Variants in TTI1 observed in about 807,000 individuals in gnomAD.
TTI1 encodes TELO2-interacting protein 1 homolog.
Under a neutral mutation model 85.4 loss-of-function variants are expected in TTI1, and 52 were observed. The observed-to-expected ratio is 0.61, with a 90% CI of 0.49 to 0.77. The LOEUF is 0.77. TTI1 is among the 30% of genes least tolerant of loss of function. The probability of loss-of-function intolerance (pLI) is 0.00; values close to 1 mark genes in which losing one functional copy is unlikely to be tolerated. For synonymous variants in TTI1, 512 were observed against 503.9 expected, an observed-to-expected ratio of 1.02 and a Z score of -0.22; for missense variants, 1,173 against 1,296.0, an observed-to-expected ratio of 0.91 and a Z score of 1.46.
At chr20:38,020,319 AAAAAATAT>A (rs201884057) in intron 1 of TTI1, among the ~76,000 whole-genome samples, 816 of 44,124 alleles carry the variant, frequency 0.018, 19 homozygotes, top group African/African-American at 0.092. Context: ...TGAAAAAAAA[AAAAAATAT>A]ATATATATAT....
chr20:38,020,323 A>AAAAAAAAAAAATATATATATATATATAT, intron 1 of TTI1, among the ~76,000 whole-genome samples: 2 of 50,382 alleles, frequency 4.0e-5, no homozygotes, highest in African/African-American at 1.8e-4. Context: ...AAAAAAAAAA[A>AAAAAAAAAAAATATATATATATATATAT]ATATATATAT....
At position 37,995,953 on chromosome 20, in the gene TTI1, A is replaced by G. The variant is rs191052737; in HGVS notation, c.3086+422T>C. On this transcript the variant is annotated intron_variant, in intron 7 of 7. Coordinates refer to ENST00000373447, the MANE Select transcript of TTI1 (RefSeq NM_001303457.2). ...TTTTGCTTTGCACTTGTGAGGGTTC[A>G]TGGCACCGATGCCCATCTAAGACCT... 2.0e-5 allele frequency among the ~76,000 whole-genome samples: 3 copies of G among 152,324 alleles called. No homozygotes were observed. The East Asian group carries it at 5.8e-4, about 29-fold the overall frequency.
At chr20:37,986,389 C>T (rs1459461632) in intron 7 of TTI1, among the ~76,000 whole-genome samples, 3 of 152,146 alleles carry the variant, frequency 2.0e-5, no homozygotes, top group African/African-American at 7.2e-5. Flanking sequence ...AGAAAATAAG[C>T]CACTCTTTTT....
intron 1 of TTI1, among the ~76,000 whole-genome samples, chr20:38,015,198 T>A (rs2073664052): frequency 6.6e-6 from 1 of 152,114 alleles, no homozygotes; most frequent in South Asian, 2.1e-4. Context: ...AGAGAGCTGG[T>A]GCCAAATTTC....
intron 1 of TTI1, among the ~76,000 whole-genome samples, chr20:38,017,540 C>T (rs2073702870): frequency 6.6e-6 from 1 of 151,978 alleles, no homozygotes; most frequent in South Asian, 2.1e-4. Flanking sequence ...AGAGAAACCA[C>T]AATGCTTTCG....
In TTI1 at chr20:37,983,333, G is replaced by C. The variant is rs1352381183; in HGVS notation, c.*123C>G. The stretch of plus-strand genomic sequence containing the variant: ...TGTGTGATCGATCAATTTATAAATC[G>C]ATTGGCTAACTAATTCACCTTCTCT... On this transcript the variant is annotated 3_prime_UTR_variant, in exon 8 of 8. Transcript: ENST00000373447. 1 of 919,222 alleles carries C rather than the reference G, an allele frequency of 1.1e-6. No homozygotes were observed. Among genetic ancestry groups the C allele is most frequent in the South Asian group, 1.7e-5 (1 of 58,174 alleles). 56.9% of individuals were successfully genotyped at this position (919,222 alleles called of 1,614,324 possible). A position where few individuals can be genotyped will look rare whatever the true frequency, so the allele number is the denominator to read the frequency against.
At chr20:37,993,325 C>T (rs1268404766) in intron 7 of TTI1, among the ~76,000 whole-genome samples, 2 of 151,870 alleles carry the variant, frequency 1.3e-5, no homozygotes, top group Admixed American at 6.6e-5. Flanking sequence ...TCGGTTACAT[C>T]AACCACCCCC....
chr20:38,028,554 ATGG>A lies in TTI1; in HGVS notation c.-42+4847_-42+4849del, dbSNP rs371862454. 9.2e-5 allele frequency among the ~76,000 whole-genome samples: 14 copies of A among 152,346 alleles called. No homozygotes were observed. In the East Asian group the frequency reaches 1.9e-3, roughly 21 times the overall value. ...AAAAGGAGAAACAAATTCACAATAG[ATGG>A]TGGTGACTTCAATATTCCTCTCTCA... On this transcript the variant is annotated intron_variant, in intron 1 of 7. Transcript: ENST00000373447.
intron 1 of TTI1, among the ~76,000 whole-genome samples, chr20:38,030,319 C>T (rs2122660318): frequency 6.6e-6 from 1 of 151,794 alleles, no homozygotes; most frequent in Admixed American, 6.6e-5. Context: ...AGAATTCCGC[C>T]AAACATTTAA....
Position 38,012,292 on chromosome 20 carries a change from T to TA in TTI1, c.1524dup (p.Met509TyrfsTer19). On this transcript the variant is annotated frameshift_variant, in exon 2 of 8. Coordinates refer to ENST00000373447, the MANE Select transcript of TTI1 (RefSeq NM_001303457.2). LOFTEE classifies it high-confidence loss of function. ...ACCACAGATTGATGGTAAAGTTCCA[T>TA]AAAGTGATCCACAAGCAAATAAAGA... 6.2e-7 allele frequency: 1 copy of TA among 1,614,136 alleles called. No individual in the cohort carries two copies. Among genetic ancestry groups the TA allele is most frequent in the Non-Finnish European group, 8.5e-7 (1 of 1,180,022 alleles).
At chr20:37,994,813 G>C (rs1015744987) in intron 7 of TTI1, among the ~76,000 whole-genome samples, 4 of 152,140 alleles carry the variant, frequency 2.6e-5, no homozygotes, top group African/African-American at 9.7e-5. Context: ...CTGAACACCA[G>C]CTCAAGATTC....
chr20:38,011,712 A>C lies in TTI1; in HGVS notation c.2105T>G (p.Ile702Ser), dbSNP rs138572304. 6 of 1,614,090 alleles carry C rather than the reference A, an allele frequency of 3.7e-6. No individual in the cohort carries two copies. In the African/African-American group the frequency reaches 8.0e-5, roughly 22 times the overall value. Residue 702 changes from isoleucine to serine, a missense_variant, in exon 2 of 8, where the codon ATC (isoleucine) becomes AGC (serine). Transcript: ENST00000373447. ...NQNSDYLVNG[I>S]SLNLRHLALH... ...AGCCAGATGACGCAGATTTAAAGAG[A>C]TCCCATTCACTAAATAGTCTGAATT...
At chr20:38,026,020 A>G (rs1181366503) in intron 1 of TTI1, among the ~76,000 whole-genome samples, 1 of 152,248 alleles carries the variant, frequency 6.6e-6, no homozygotes, top group East Asian at 1.9e-4. Context: ...AAGTTGGCAA[A>G]GACATAAATC....
intron 1 of TTI1, among the ~76,000 whole-genome samples, chr20:38,015,532 A>G (rs1337305769): frequency 6.6e-6 from 1 of 152,066 alleles, no homozygotes; most frequent in Non-Finnish European, 1.5e-5. Flanking sequence ...AAAGAAAGAG[A>G]ATTGCTTAAT....
chr20:37,993,099 T>C (rs1422729455), intron 7 of TTI1, among the ~76,000 whole-genome samples: 1 of 151,530 alleles, frequency 6.6e-6, no homozygotes, highest in Non-Finnish European at 1.5e-5. Context: ...TAGAGGGACT[T>C]TGGGGGAGCT....
At chr20:38,008,950 T>C (rs1353441733) in intron 2 of TTI1, among the ~76,000 whole-genome samples, 1 of 151,696 alleles carries the variant, frequency 6.6e-6, no homozygotes. Context: ...TTTTCCTTTC[T>C]GCAAGGGAGA....
intron 1 of TTI1, among the ~76,000 whole-genome samples, chr20:38,027,576 T>C (rs994909596): frequency 2.1e-4 from 32 of 152,212 alleles, no homozygotes; most frequent in African/African-American, 7.7e-4. Flanking sequence ...TTATGCTGTA[T>C]GTATTATATG....
chr20:37,989,372 C>T lies in TTI1; in HGVS notation c.3087-5733G>A, dbSNP rs914509316. ...GTAGAAGCAAATGATGCTAACCATA[C>T]CTCTGAAGTGCCACAAGATAAAGTA... is the stretch of plus-strand genomic sequence containing the variant. On this transcript the variant is annotated intron_variant, in intron 7 of 7. Coordinates refer to ENST00000373447, the MANE Select transcript of TTI1 (RefSeq NM_001303457.2). Among the ~76,000 whole-genome samples, 15 of 152,180 alleles carry T rather than the reference C, an allele frequency of 9.9e-5. No homozygotes were observed. The East Asian group carries it at 2.9e-3, about 29-fold the overall frequency.
intron 1 of TTI1, among the ~76,000 whole-genome samples, chr20:38,021,443 T>A (rs2073770231): frequency 6.6e-6 from 1 of 152,206 alleles, no homozygotes; most frequent in South Asian, 2.1e-4. Context: ...AGAGTGGTGC[T>A]GCACCAAAGT....
Sources: gnomAD v4.1 joint callset for allele counts (sites outside exome capture counted in the v4.1 genomes callset) on GRCh38, gnomAD v4.1.1 for gene constraint, MANE v1.5 for transcripts, NCBI Gene and HGNC (gene_info 2026-07-23, HGNC 2026-07-21) for gene names.